Variants in AP2A1 observed in about 807,000 individuals in gnomAD.
AP2A1 encodes the protein adaptor related protein complex 2 subunit alpha 1.
A neutral mutation model predicts 107.3 loss-of-function variants in AP2A1; 21 were observed. The observed-to-expected ratio is 0.20, with a 90% confidence interval of 0.14 to 0.28. The LOEUF is 0.28. AP2A1 is among the 10% of genes least tolerant of loss of function. The pLI, the probability that AP2A1 is intolerant of heterozygous loss-of-function variation, is 1.00. For missense variants in AP2A1, 873 were observed against 1,307.7 expected (o/e 0.67, Z 5.13); for synonymous variants, 602 against 564.8 (o/e 1.07, Z -0.93).
At chr19:49,806,458 C>T in intron 22 of AP2A1, 1 of 1,437,386 alleles carries the variant, frequency 7.0e-7, no homozygotes, top group African/African-American at 1.4e-5. Flanking sequence ...CTTCCTGTCC[C>T]TCCCTGATTT....
rs1209187336 is a variant in AP2A1 at position 49,797,905 on chromosome 19, CCT to C, written c.815-896_815-895del. 3.2e-5 allele frequency among the ~76,000 whole-genome samples: 4 copies of C among 124,916 alleles called. No homozygotes were observed. In the East Asian group the frequency reaches 8.2e-4, roughly 26 times the overall value. The allele number at this position is 124,916 out of a possible 152,430, so 81.9% of individuals were successfully genotyped here. A position where few individuals can be genotyped will look rare whatever the true frequency, so the allele number is the denominator to read the frequency against. On this transcript the variant is annotated intron_variant, in intron 7 of 22. Transcript: ENST00000354293. Reference sequence around the variant, plus strand: ...AGATCAGACTGGACAACATAGTTGCCCTGTTTCCAAAAAATAGGATTTAAATT... The same window carrying C: ...AGATCAGACTGGACAACATAGTTGCCGTTTCCAAAAAATAGGATTTAAATT...
In AP2A1 at chr19:49,806,932, T is replaced by G; in HGVS notation, c.*174T>G. ...TTATTTTTGTTCATCTGCTGCTGTTTACATTCTGGGGGGTTAGGGGGAGTC... is the reference window on the plus strand; with the variant it reads ...TTATTTTTGTTCATCTGCTGCTGTTGACATTCTGGGGGGTTAGGGGGAGTC... On this transcript the variant is annotated 3_prime_UTR_variant, in exon 23 of 23. Transcript: ENST00000354293. 6.5e-7 allele frequency: 1 copy of G among 1,534,886 alleles called. No homozygotes were observed. The highest frequency in any genetic ancestry group is 8.7e-7 in the Non-Finnish European group (1 of 1,146,860).
In AP2A1 at chr19:49,786,393, T is replaced by C. The variant is rs117581917; in HGVS notation, c.473+3669T>C. ...ACATCTGTGTTTGGTGCTAAGTCTT[T>C]GGAATGCGGCGTTGCGGGTGTCTCT... On this transcript the variant is annotated intron_variant, in intron 4 of 22. Transcript: ENST00000354293. Among the ~76,000 whole-genome samples the C allele has an allele frequency of 4.9e-3, 752 of 152,380 alleles. 1 individual carries two copies. Among genetic ancestry groups the C allele is most frequent in the Non-Finnish European group, 7.7e-3 (525 of 68,040 alleles).
Position 49,788,550 on chromosome 19 carries a change from T to A in AP2A1, c.474-3385T>A, listed in dbSNP as rs7247528. Among the ~76,000 whole-genome samples the A allele has an allele frequency of 0.085, 12,685 of 149,938 alleles. 587 individuals are homozygous for A. Among genetic ancestry groups the A allele is most frequent in the South Asian group, 0.16 (746 of 4,716 alleles). On this transcript the variant is annotated intron_variant, in intron 4 of 22. Coordinates refer to ENST00000354293, the MANE Select transcript of AP2A1 (RefSeq NM_130787.3). The surrounding 1 kb of genome is among the most constrained non-coding windows in gnomAD (Gnocchi z 4.5). Reference sequence around the variant, plus strand: ...GCAGCGATGGGAAAGTGGCCCAGAGTCAGGGCTCGGGAGATGCGCTGTGGC... The same window carrying A: ...GCAGCGATGGGAAAGTGGCCCAGAGACAGGGCTCGGGAGATGCGCTGTGGC...
intron 4 of AP2A1, among the ~76,000 whole-genome samples, chr19:49,789,043 C>T (rs1263462259): frequency 3.3e-5 from 5 of 152,194 alleles, no homozygotes; most frequent in Non-Finnish European, 7.3e-5. Context: ...CAACAGGCGT[C>T]AGTCGGGCGA....
At chr19:49,795,191 G>T (rs1439225184) in intron 6 of AP2A1, among the ~76,000 whole-genome samples, 1 of 152,190 alleles carries the variant, frequency 6.6e-6, no homozygotes, top group African/African-American at 2.4e-5. Context: ...TGAGGAGGGG[G>T]CCCTGGGAAA....
In AP2A1 at chr19:49,805,932, T is replaced by C. The variant is rs780346387; in HGVS notation, c.2646T>C (p.Thr882=). 4 of 1,613,826 alleles carry C rather than the reference T, an allele frequency of 2.5e-6. No homozygotes were observed. Among genetic ancestry groups the C allele is most frequent in the Admixed American group, 1.7e-5 (1 of 60,022 alleles). ...KANHPMDAEV[T]KAKLLGFGSA... The stretch of plus-strand genomic sequence containing the variant: ...ACCACCCCATGGACGCAGAAGTTAC[T>C]AAGGCCAAGGTGAGAGACCGCGGGC... The change falls in exon 21 of 23, where the codon ACT becomes ACC. Residue 882 remains threonine (T), a synonymous_variant. Transcript: ENST00000354293.
At chr19:49,801,644 C>A (rs751906970) in intron 13 of AP2A1, 23 bp downstream of exon 13, 3 of 1,560,144 alleles carry the variant, frequency 1.9e-6, no homozygotes, top group Non-Finnish European at 1.7e-6. Flanking sequence ...TCCCCCCACC[C>A]CACCCCTCTT....
At chr19:49,779,695 T>C (rs1474421117) in intron 1 of AP2A1, among the ~76,000 whole-genome samples, 2 of 152,196 alleles carry the variant, frequency 1.3e-5, no homozygotes, top group African/African-American at 4.8e-5. Flanking sequence ...CTGCCTCACA[T>C]GCGTGAGCCA....
intron 1 of AP2A1, among the ~76,000 whole-genome samples, chr19:49,771,597 C>G (rs1356847170): frequency 6.6e-6 from 1 of 151,914 alleles, no homozygotes; most frequent in Non-Finnish European, 1.5e-5. Context: ...TTAGTAGAGA[C>G]AGGGTTTCAC....
rs771968944 is a variant in AP2A1, at chr19:49,767,102, C to T, written c.-32C>T. On this transcript the variant is annotated 5_prime_UTR_variant, in exon 1 of 23. Transcript: ENST00000354293. ...AGCCCCCGCTGCTCTGTGCCCTGTCCGGCCAGGCCTGGAGCCGACACCACC... is the reference window on the plus strand; with the variant it reads ...AGCCCCCGCTGCTCTGTGCCCTGTCTGGCCAGGCCTGGAGCCGACACCACC... 3.1e-6 allele frequency: 5 copies of T among 1,608,178 alleles called. No individual in the cohort carries two copies. In the Admixed American group the frequency reaches 8.4e-5, roughly 27 times the overall value.
chr19:49,778,955 G>A (rs964871687), intron 1 of AP2A1, among the ~76,000 whole-genome samples: 3 of 151,090 alleles, frequency 2.0e-5, no homozygotes, highest in Non-Finnish European at 4.4e-5. Context: ...CAGCACTTTG[G>A]GTGGCTGAGG....
intron 1 of AP2A1, among the ~76,000 whole-genome samples, chr19:49,774,595 C>T (rs537629956): frequency 1.0e-3 from 156 of 152,002 alleles, no homozygotes; most frequent in African/African-American, 3.3e-3. Flanking sequence ...TGTCCACGCC[C>T]GGCATATGTT....
At chr19:49,800,238 C>G (rs2073260961) in intron 11 of AP2A1, 88 bp downstream of exon 11, 4 of 1,423,392 alleles carry the variant, frequency 2.8e-6, no homozygotes, top group Non-Finnish European at 3.8e-6. Flanking sequence ...CCTGCCAGCC[C>G]GCAGCCACCC....
At chr19:49,797,766 A>G (rs931518185) in intron 7 of AP2A1, among the ~76,000 whole-genome samples, 3 of 152,134 alleles carry the variant, frequency 2.0e-5, no homozygotes, top group Non-Finnish European at 4.4e-5. Flanking sequence ...TATATATCAC[A>G]GTACAATCTA....
chr19:49,785,321 G>A lies in AP2A1; in HGVS notation c.473+2597G>A, dbSNP rs961155505. ...CGGTGGCTTGGACCAGGGCTGTGGC[G>A]GTCATGTGGTTATGAGAAGGGCATG... On this transcript the variant is annotated intron_variant, in intron 4 of 22. Coordinates refer to ENST00000354293, the MANE Select transcript of AP2A1 (RefSeq NM_130787.3). The surrounding 1 kb of genome is among the most constrained non-coding windows in gnomAD (Gnocchi z 4.1). Among the ~76,000 whole-genome samples, 5 of 152,144 alleles carry A rather than the reference G, an allele frequency of 3.3e-5. 1 individual carries two copies. The highest frequency in any genetic ancestry group is 2.6e-4 in the Admixed American group (4 of 15,270).
At chr19:49,793,898 C>CTTTTTTTTTT (rs956804227) in intron 6 of AP2A1, among the ~76,000 whole-genome samples, 3 of 74,584 alleles carry the variant, frequency 4.0e-5, no homozygotes, top group Non-Finnish European at 5.2e-5. Context: ...CTCATTGTTT[C>CTTTTTTTTTT]TTTTTTTTTT....
intron 2 of AP2A1, 45 bp downstream of exon 2, chr19:49,781,870 G>T: frequency 6.2e-7 from 1 of 1,608,088 alleles, no homozygotes; most frequent in Admixed American, 1.7e-5. Context: ...GGAGGGGGCT[G>T]GGAGCTGGGG....
At chr19:49,801,240 C>T (rs1161954127) in intron 12 of AP2A1, 150 bp from the exon 13 acceptor site, 15 of 960,180 alleles carry the variant, frequency 1.6e-5, no homozygotes, top group Non-Finnish European at 2.0e-5. Context: ...AGTGTGACTG[C>T]GGCCCCTGTC....
Sources: allele counts gnomAD v4.1 joint callset (sites outside exome capture counted in the v4.1 genomes callset), GRCh38; gene constraint gnomAD v4.1.1; non-coding constraint Gnocchi (gnomAD v3.1); transcripts MANE v1.5; gene names NCBI Gene and HGNC (gene_info 2026-07-23, HGNC 2026-07-21).